Variants in GDAP1 observed in about 807,000 individuals in gnomAD.
GDAP1 encodes ganglioside induced differentiation associated protein 1, also known as ganglioside-induced differentiation-associated protein 1.
A neutral mutation model predicts 40.1 loss-of-function variants in GDAP1; 34 were observed. The observed-to-expected ratio is 0.85, with a 90% confidence interval of 0.64 to 1.13. The LOEUF (loss-of-function observed/expected upper bound fraction) is 1.13. Among genes scored for constraint, GDAP1 ranks in the 50% most tolerant of loss-of-function variants. The pLI, the probability that GDAP1 is intolerant of heterozygous loss-of-function variation, is 0.00. For synonymous variants in GDAP1, 170 were observed against 157.4 expected, an observed-to-expected ratio of 1.08 and a Z score of -0.60; for missense variants, 374 against 433.7, an observed-to-expected ratio of 0.86 and a Z score of 1.22.
At chr8:74,460,695 C>T (rs1806390468) in intron 2 of GDAP1, among the ~76,000 whole-genome samples, 1 of 152,048 alleles carries the variant, frequency 6.6e-6, no homozygotes, top group Admixed American at 6.6e-5. Context: ...AAGAAATGAG[C>T]TATGGAATGG....
chr8:74,433,651 C>T (rs1806053818), intron 2 of GDAP1, among the ~76,000 whole-genome samples: 1 of 152,026 alleles, frequency 6.6e-6, no homozygotes, highest in South Asian at 2.1e-4. Flanking sequence ...AACCTGGTAT[C>T]TTCAACTGTT....
intron 2 of GDAP1, among the ~76,000 whole-genome samples, chr8:74,465,775 A>C (rs1199229505): frequency 9.8e-6 from 1 of 102,344 alleles, no homozygotes; most frequent in African/African-American, 3.6e-5. Flanking sequence ...TAATCACACC[A>C]AGTTTTTTTT....
At chr8:74,403,139 C>T (rs1332132477) in intron 2 of GDAP1, among the ~76,000 whole-genome samples, 1 of 149,964 alleles carries the variant, frequency 6.7e-6, no homozygotes, top group Non-Finnish European at 1.5e-5. Context: ...ATGGGAGAGT[C>T]ATTCTCTGGG....
chr8:74,460,169 A>G (rs1253347636), intron 2 of GDAP1, among the ~76,000 whole-genome samples: 1 of 152,236 alleles, frequency 6.6e-6, no homozygotes, highest in Non-Finnish European at 1.5e-5. Context: ...TGTGTGCCCC[A>G]CGAATGGGGA....
At chr8:74,379,650 C>T (rs1809916658) in intron 2 of GDAP1, among the ~76,000 whole-genome samples, 1 of 152,238 alleles carries the variant, frequency 6.6e-6, no homozygotes, top group South Asian at 2.1e-4. Flanking sequence ...CTGTCTTGCT[C>T]CAGGGCTATG....
At chr8:74,373,904 G>A (rs968367821) in intron 2 of GDAP1, among the ~76,000 whole-genome samples, 10 of 152,206 alleles carry the variant, frequency 6.6e-5, no homozygotes, top group African/African-American at 2.2e-4. Context: ...TGTCATAAAT[G>A]GCTCTTATTA....
chr8:74,362,099 G>A (rs993357236), intron 4 of GDAP1, 121 bp downstream of exon 4: 3 of 570,894 alleles, frequency 5.3e-6, no homozygotes, highest in Non-Finnish European at 9.0e-6. Context: ...CAGTACACAT[G>A]TTACCTTTGG....
At chr8:74,464,187 C>T (rs568625008) in intron 2 of GDAP1, among the ~76,000 whole-genome samples, 1 of 152,090 alleles carries the variant, frequency 6.6e-6, no homozygotes, top group South Asian at 2.1e-4. Context: ...TGCTAGAACC[C>T]CAAAGTGTGG....
At position 74,364,460 on chromosome 8, in the gene GDAP1, T is replaced by A; in HGVS notation, c.*93T>A. On this transcript the variant is annotated 3_prime_UTR_variant, in exon 6 of 6. Coordinates refer to ENST00000220822, the MANE Select transcript of GDAP1 (RefSeq NM_018972.4). ...CTCTGAGTCTGTCTTATTGAGTAGTTAGCAGTATTTTTTCCTAAAATTCAG... is the reference window on the plus strand; with the variant it reads ...CTCTGAGTCTGTCTTATTGAGTAGTAAGCAGTATTTTTTCCTAAAATTCAG... The A allele has an allele frequency of 1.6e-6, 2 of 1,256,404 alleles. No homozygotes were observed. The highest frequency in any genetic ancestry group is 2.3e-6 in the Non-Finnish European group (2 of 867,214). The allele number at this position is 1,256,404 out of a possible 1,614,324, so 77.8% of individuals were successfully genotyped here. A position where few individuals can be genotyped will look rare whatever the true frequency, so the allele number is the denominator to read the frequency against.
At chr8:74,416,980 A>G (rs899192110) in intron 2 of GDAP1, among the ~76,000 whole-genome samples, 28 of 146,830 alleles carry the variant, frequency 1.9e-4, no homozygotes, top group Non-Finnish European at 1.6e-4. Context: ...TTGGGAAGGA[A>G]AGTCGGCAGC....
At chr8:74,397,442 C>T (rs1810227743) in intron 2 of GDAP1, among the ~76,000 whole-genome samples, 1 of 152,104 alleles carries the variant, frequency 6.6e-6, no homozygotes, top group African/African-American at 2.4e-5. Flanking sequence ...ATGCCTATGT[C>T]CTGAATGGTA....
chr8:74,367,729 A>G (rs1809685053), downstream of GDAP1, among the ~76,000 whole-genome samples: 1 of 152,232 alleles, frequency 6.6e-6, no homozygotes, highest in Admixed American at 6.5e-5. Flanking sequence ...AAAGTGAGGA[A>G]GTGTAATTTC....
At chr8:74,397,831 C>T (rs956422831) in intron 2 of GDAP1, among the ~76,000 whole-genome samples, 142 of 151,900 alleles carry the variant, frequency 9.3e-4, no homozygotes, top group African/African-American at 3.3e-3. Flanking sequence ...ATTGACTTGG[C>T]GATGCGGGCT....
Position 74,412,047 on chromosome 8 carries a change from T to C in GDAP1, c.165+60726T>C, listed in dbSNP as rs978334876. Among the ~76,000 whole-genome samples, 18 of 150,090 alleles carry C rather than the reference T, an allele frequency of 1.2e-4. 3 individuals carry two copies. The highest frequency in any genetic ancestry group is 4.6e-4 in the African/African-American group (18 of 39,436). Reference sequence around the variant, plus strand: ...GTAGTATTTTATTTTGAAAATGTCTTTAAAAATTTGAGATAAAAGTTGGGA... The same window carrying C: ...GTAGTATTTTATTTTGAAAATGTCTCTAAAAATTTGAGATAAAAGTTGGGA... On this transcript the variant is annotated intron_variant, in intron 2 of 2. Transcript: ENST00000523640.
At chr8:74,422,759 T>A (rs1805894654) in intron 2 of GDAP1, among the ~76,000 whole-genome samples, 1 of 151,904 alleles carries the variant, frequency 6.6e-6, no homozygotes, top group Non-Finnish European at 1.5e-5. Flanking sequence ...AAATTGGCAC[T>A]GTTTCTCTTC....
chr8:74,456,388 T>C (rs1011632914), intron 2 of GDAP1, among the ~76,000 whole-genome samples: 4 of 151,998 alleles, frequency 2.6e-5, no homozygotes, highest in African/African-American at 7.2e-5. Context: ...CAACTACTTA[T>C]CAATTTTTAT....
intron 2 of GDAP1, among the ~76,000 whole-genome samples, chr8:74,356,937 G>A (rs947406903): frequency 1.3e-5 from 2 of 151,784 alleles, no homozygotes; most frequent in Non-Finnish European, 2.9e-5. Flanking sequence ...ATGGTCTCTC[G>A]ATCTCCTGAC....
chr8:74,375,437 A>G (rs1486612507), intron 2 of GDAP1, among the ~76,000 whole-genome samples: 1 of 152,240 alleles, frequency 6.6e-6, no homozygotes. Context: ...GTCATACATT[A>G]TAGCCAGTAG....
intron 2 of GDAP1, among the ~76,000 whole-genome samples, chr8:74,402,332 C>T (rs1810359142): frequency 6.6e-6 from 1 of 150,398 alleles, no homozygotes; most frequent in African/African-American, 2.5e-5. Flanking sequence ...ATCAGCGAGA[C>T]TCCGTGGGCG....
Sources: allele counts gnomAD v4.1 joint callset (sites outside exome capture counted in the v4.1 genomes callset), GRCh38; gene constraint gnomAD v4.1.1; transcripts MANE v1.5; gene names NCBI Gene and HGNC (gene_info 2026-07-23, HGNC 2026-07-21).